The following PDZD2 variants were observed in gnomAD, a reference collection of about 807,000 sequenced individuals.
PDZD2 encodes the protein PDZ domain containing 2, also known as PDZ domain-containing protein 2.
Under a neutral mutation model 220.7 loss-of-function variants are expected in PDZD2, and 90 were observed. That is an observed-to-expected ratio of 0.41 (90% CI 0.34 to 0.49). The LOEUF (loss-of-function observed/expected upper bound fraction) is 0.49. Among genes scored for constraint, PDZD2 ranks in the 20% least tolerant of loss-of-function variants. The pLI is 0.28. For missense variants in PDZD2, 3,174 were observed against 3,608.5 expected, an observed-to-expected ratio of 0.88 and a Z score of 3.08; for synonymous variants, 1,375 against 1,450.5, an observed-to-expected ratio of 0.95 and a Z score of 1.18.
At chr5:31,919,731 G>T (rs1279579143) in intron 2 of PDZD2, among the ~76,000 whole-genome samples, 1 of 3,126 alleles carries the variant, frequency 3.2e-4, no homozygotes, top group Non-Finnish European at 6.5e-4. Context: ...AAAAAAAAAA[G>T]GCCAGGCACA....
chr5:31,824,593 C>T (rs1756099068), intron 2 of PDZD2, among the ~76,000 whole-genome samples: 1 of 151,278 alleles, frequency 6.6e-6, no homozygotes, highest in Non-Finnish European at 1.5e-5. Flanking sequence ...TTTTGTAGTT[C>T]GTGAGTATGA....
intron 2 of PDZD2, among the ~76,000 whole-genome samples, chr5:31,866,674 G>A (rs1319590392): frequency 6.6e-6 from 1 of 152,192 alleles, no homozygotes; most frequent in Non-Finnish European, 1.5e-5. Flanking sequence ...CTGTGGGAGA[G>A]GCACCTGTTT....
At chr5:31,691,297 G>A (rs1463091892) in intron 1 of PDZD2, among the ~76,000 whole-genome samples, 1 of 152,112 alleles carries the variant, frequency 6.6e-6, no homozygotes, top group Non-Finnish European at 1.5e-5. Context: ...CTTCAGGAGT[G>A]AAGCTGCAGA....
intron 1 of PDZD2, among the ~76,000 whole-genome samples, chr5:31,732,097 T>C (rs917836758): frequency 1.3e-5 from 2 of 152,224 alleles, no homozygotes. Flanking sequence ...ATCCTCTACA[T>C]GCGTAATTCT....
intron 1 of PDZD2, among the ~76,000 whole-genome samples, chr5:31,790,474 G>A (rs1288609638): frequency 6.6e-6 from 1 of 152,132 alleles, no homozygotes; most frequent in Non-Finnish European, 1.5e-5. Flanking sequence ...TTTTCTGGGG[G>A]CTGAACATTT....
At chr5:31,727,831 G>A (rs1463330182) in intron 1 of PDZD2, among the ~76,000 whole-genome samples, 2 of 151,308 alleles carry the variant, frequency 1.3e-5, no homozygotes, top group Non-Finnish European at 2.9e-5. Context: ...GTGAAACCCC[G>A]TCTCTACTAA....
intron 5 of PDZD2, among the ~76,000 whole-genome samples, chr5:32,007,076 C>T (rs1044191415): frequency 2.6e-5 from 4 of 151,952 alleles, no homozygotes; most frequent in Non-Finnish European, 4.4e-5. Context: ...CCACCACGCC[C>T]GGCTAATTTT....
intron 9 of PDZD2, among the ~76,000 whole-genome samples, chr5:32,053,374 G>C (rs1738771512): frequency 6.6e-6 from 1 of 152,164 alleles, no homozygotes; most frequent in Non-Finnish European, 1.5e-5. Flanking sequence ...ATACAAAATG[G>C]AAAGACTAAA....
At position 31,643,720 on chromosome 5, in the gene PDZD2, A is replaced by G. The variant is rs142955748; in HGVS notation, c.-361+4283A>G. On this transcript the variant is annotated intron_variant, in intron 1 of 24. Transcript: ENST00000438447. ...CTTTGATTATAGTTGAAAAGATGAA[A>G]AAACAGTCTCACTTATTAGTGAAGC... Among the ~76,000 whole-genome samples the G allele has an allele frequency of 2.1e-4, 32 of 152,352 alleles. No individual in the cohort carries two copies. In the East Asian group the frequency reaches 6.2e-3, roughly 29 times the overall value.
intron 1 of PDZD2, among the ~76,000 whole-genome samples, chr5:31,715,195 T>G (rs253935): frequency 0.2 from 30,976 of 152,024 alleles, 3,498 homozygotes; most frequent in East Asian, 0.34. Context: ...TTCTGTCTGT[T>G]CCTCTCCGGT....
intron 2 of PDZD2, chr5:31,847,981 T>G (rs931918165): frequency 2.4e-5 from 10 of 415,774 alleles, no homozygotes. Context: ...TGGGGATGTA[T>G]AAGAAGGCTC....
At chr5:31,702,197 G>A (rs1747639342) in intron 1 of PDZD2, among the ~76,000 whole-genome samples, 1 of 152,216 alleles carries the variant, frequency 6.6e-6, no homozygotes, top group African/African-American at 2.4e-5. Flanking sequence ...GGAGTTTTAT[G>A]TGCCAAGCCC....
At chr5:31,834,520 G>C (rs900231035) in intron 2 of PDZD2, among the ~76,000 whole-genome samples, 4 of 152,138 alleles carry the variant, frequency 2.6e-5, no homozygotes, top group African/African-American at 7.2e-5. Context: ...GATCTAAACT[G>C]TTGCTTAACA....
At chr5:32,078,106 C>G (rs1470888258) in intron 19 of PDZD2, among the ~76,000 whole-genome samples, 1 of 152,114 alleles carries the variant, frequency 6.6e-6, no homozygotes, top group Non-Finnish European at 1.5e-5. Context: ...TTGAACACAT[C>G]CATTTTCAGT....
intron 2 of PDZD2, among the ~76,000 whole-genome samples, chr5:31,934,082 T>C (rs910064457): frequency 1.3e-5 from 2 of 152,198 alleles, no homozygotes; most frequent in Admixed American, 6.6e-5. Flanking sequence ...GGTTTTACCA[T>C]AGATTTTTGG....
chr5:31,841,926 A>G (rs1757331951), intron 2 of PDZD2, among the ~76,000 whole-genome samples: 1 of 151,498 alleles, frequency 6.6e-6, no homozygotes, highest in African/African-American at 2.4e-5. Flanking sequence ...AGCCGAGATC[A>G]TGCCATTGCA....
In PDZD2 at chr5:32,048,611, G is replaced by A. The variant is rs376398698; in HGVS notation, c.1592G>A (p.Arg531Gln). 1.7e-5 allele frequency: 27 copies of A among 1,613,914 alleles called. No homozygotes were observed. Among genetic ancestry groups the A allele is most frequent in the Admixed American group, 8.3e-5 (5 of 60,000 alleles). ...GTGCGGAATGGGGACCCCCGGATCC[G>A]GATGTTGGAGGTCTCCCGAGATGGC... ...LMVRNGDPRI[R>Q]MLEVSRDGRK... The change falls in exon 8 of 25, where the codon CGG becomes CAG. Residue 531 changes from arginine (R) to glutamine (Q), a missense_variant. This residue lies in a region of PDZD2 where 632 missense variants were observed against 708.1 expected (regional missense o/e 0.89). Coordinates refer to ENST00000438447, the MANE Select transcript of PDZD2 (RefSeq NM_178140.4).
chr5:31,908,511 C>T (rs1042807247), intron 2 of PDZD2: 4 of 1,064,602 alleles, frequency 3.8e-6, no homozygotes, highest in Non-Finnish European at 5.4e-6. Context: ...GAAATGCCTC[C>T]GCTGAAGGCC....
At chr5:31,987,156 G>A (rs371683870) in intron 3 of PDZD2, among the ~76,000 whole-genome samples, 10 of 152,254 alleles carry the variant, frequency 6.6e-5, no homozygotes, top group East Asian at 5.8e-4. Context: ...TATATAGAAT[G>A]TAATGTATTT....
Sources: gnomAD v4.1 joint callset for allele counts (sites outside exome capture counted in the v4.1 genomes callset) on GRCh38, gnomAD v4.1.1 for gene constraint, gnomAD v4.1.1 regional missense constraint, MANE v1.5 for transcripts, NCBI Gene and HGNC (gene_info 2026-07-23, HGNC 2026-07-21) for gene names.